MAST2: variants seen among roughly 807,000 people sequenced by gnomAD.
The protein encoded by MAST2 is microtubule associated serine/threonine kinase 2.
A neutral mutation model predicts 147.4 loss-of-function variants in MAST2; 70 were observed. That is an observed-to-expected ratio of 0.47 (90% confidence interval 0.39 to 0.58). MAST2 has a LOEUF of 0.58. Among genes scored for constraint, MAST2 ranks in the 20% least tolerant of loss-of-function variants. MAST2 has a pLI of 0.00. For missense variants in MAST2, 2,080 were observed against 2,302.3 expected, an observed-to-expected ratio of 0.90 and a Z score of 1.98; for synonymous variants, 869 against 896.8, an observed-to-expected ratio of 0.97 and a Z score of 0.55.
At chr1:45,975,977 CTTT>C (rs11311601) in intron 5 of MAST2, among the ~76,000 whole-genome samples, 3 of 143,850 alleles carry the variant, frequency 2.1e-5, no homozygotes, top group African/African-American at 2.6e-5. Flanking sequence ...AAACTGAATA[CTTT>C]TTTTTTTTTT....
rs745947608 is a variant in MAST2, at chr1:46,028,820, A to G, written c.2105A>G (p.Tyr702Cys). 3 of 1,614,130 alleles carry G rather than the reference A, an allele frequency of 1.9e-6. No individual in the cohort carries two copies. Among genetic ancestry groups the G allele is most frequent in the South Asian group, 2.2e-5 (2 of 91,064 alleles). ...IAPEVILRQG[Y>C]GKPVDWWAMG... ...CCTGAGGTGATCCTGCGCCAGGGCT[A>G]TGGGAAGCCAGTGGACTGGTGGGCC... is the stretch of plus-strand genomic sequence containing the variant. Residue 702 changes from tyrosine (Y) to cysteine (C), a missense_variant, in exon 18 of 29, where the codon TAT becomes TGT. Physicochemically the swap from Tyr to Cys is radical, Grantham distance 194. Around this residue, in one of 4 missense-constraint regions of MAST2, gnomAD observed 209 missense variants for 309.5 expected, o/e 0.68. Transcript: ENST00000361297.
At chr1:46,030,882 G>T in intron 22 of MAST2, 121 bp downstream of exon 22, 1 of 1,470,076 alleles carries the variant, frequency 6.8e-7, no homozygotes, top group Non-Finnish European at 9.1e-7. Flanking sequence ...ATTCACAAGG[G>T]TGGCTCCTGG....
chr1:46,008,328 A>G lies in MAST2; in HGVS notation c.935A>G (p.Glu312Gly). 6.2e-7 allele frequency: 1 copy of G among 1,612,772 alleles called. No individual in the cohort carries two copies. Among genetic ancestry groups the G allele is most frequent in the South Asian group, 1.1e-5 (1 of 91,038 alleles). The part of the protein sequence containing the change: ...PGRSPVSFDS[E>G]IIMMNHVYKE... ...CGATCCCCAGTATCCTTTGACAGTG[A>G]AATAATAATGATGAATCATGTTTAC... The change falls in exon 9 of 29, where the codon GAA (glutamate) becomes GGA (glycine). Residue 312 changes from glutamate to glycine, a missense_variant. By Grantham distance (98) the Glu-to-Gly change is moderately conservative. Around this residue, in one of 4 missense-constraint regions of MAST2, gnomAD observed 569 missense variants for 642.5 expected, o/e 0.89. Coordinates refer to ENST00000361297, the MANE Select transcript of MAST2 (RefSeq NM_015112.3).
At chr1:45,874,791 T>G (rs184352846) in intron 3 of MAST2, among the ~76,000 whole-genome samples, 286 of 152,294 alleles carry the variant, frequency 1.9e-3, no homozygotes, top group Middle Eastern at 3.4e-3. Context: ...AGCAAATAAT[T>G]ATAGTAACCA....
rs1341644259 is a variant in MAST2 at position 46,034,816 on chromosome 1, C to T, written c.4147C>T (p.Pro1383Ser). 1 of 1,614,222 alleles carries T rather than the reference C, an allele frequency of 6.2e-7. No homozygotes were observed. Among genetic ancestry groups the T allele is most frequent in the Non-Finnish European group, 8.5e-7 (1 of 1,180,040 alleles). Residue 1383 changes from proline (P) to serine (S), a missense_variant, in exon 29 of 29, where the codon CCC becomes TCC. Physicochemically the swap from Pro to Ser is moderately conservative, Grantham distance 74 (BLOSUM62 -1). Transcript: ENST00000361297. ...AFPTKLHLSP[P>S]LGRQLSRPKS... Reference sequence around the variant, plus strand: ...TCCCACAAAGCTTCACTTGTCACCTCCCCTGGGCAGGCAACTCTCACGGCC... The same window carrying T: ...TCCCACAAAGCTTCACTTGTCACCTTCCCTGGGCAGGCAACTCTCACGGCC...
chr1:45,950,356 C>G (rs1229894312), intron 4 of MAST2, among the ~76,000 whole-genome samples: 5 of 152,088 alleles, frequency 3.3e-5, no homozygotes, highest in Non-Finnish European at 5.9e-5. Flanking sequence ...ATGGACACCC[C>G]CTACATACAA....
At chr1:45,813,064 T>A (rs1644350883) in intron 1 of MAST2, among the ~76,000 whole-genome samples, 1 of 152,158 alleles carries the variant, frequency 6.6e-6, no homozygotes, top group African/African-American at 2.4e-5. Context: ...GGCATAGTAT[T>A]TGCATGTAAC....
chr1:46,006,515 G>C, intron 8 of MAST2, 120 bp downstream of exon 8: 1 of 882,176 alleles, frequency 1.1e-6, no homozygotes, highest in African/African-American at 1.7e-5. Flanking sequence ...AGGCTTTATA[G>C]GCCATATATC....
rs1160284541 is a variant in MAST2 at position 46,023,625 on chromosome 1, G to A, written c.1572-147G>A. ...AGTTTAAGAGTTCTATGGACCAGGG[G>A]GTCCCAGACCCTTCTCACTGATATG... On this transcript the variant is annotated intron_variant, in intron 14 of 28. Coordinates refer to ENST00000361297, the MANE Select transcript of MAST2 (RefSeq NM_015112.3). The surrounding 1 kb of genome is among the most constrained non-coding windows in gnomAD (Gnocchi z 4.9). The A allele has an allele frequency of 1.4e-6, 1 of 708,998 alleles. No homozygotes were observed. Among genetic ancestry groups the A allele is most frequent in the East Asian group, 2.7e-5 (1 of 36,964 alleles). 43.9% of individuals were successfully genotyped at this position (708,998 alleles called of 1,614,324 possible).
At position 46,032,213 on chromosome 1, in the gene MAST2, TCCCCACATTCTCAGTC is replaced by T; in HGVS notation, c.3224_3239del (p.Ser1075CysfsTer22). On this transcript the variant is annotated frameshift_variant, in exon 25 of 29. Coordinates refer to ENST00000361297, the MANE Select transcript of MAST2 (RefSeq NM_015112.3). LOFTEE classifies it high-confidence loss of function. Reference sequence around the variant, plus strand: ...CTGCTCCCCGTTGGCCAGCCCCATGTCCCCACATTCTCAGTCGTCCAACCCATCATCCCGGGACTCT... The same window carrying T: ...CTGCTCCCCGTTGGCCAGCCCCATGTGTCCAACCCATCATCCCGGGACTCT... The T allele has an allele frequency of 6.2e-7, 1 of 1,614,128 alleles. No homozygotes were observed. The highest frequency in any genetic ancestry group is 8.5e-7 in the Non-Finnish European group (1 of 1,180,012).
At chr1:46,009,130 C>T (rs1157088613) in intron 9 of MAST2, among the ~76,000 whole-genome samples, 1 of 152,204 alleles carries the variant, frequency 6.6e-6, no homozygotes, top group Admixed American at 6.5e-5. Flanking sequence ...TCTCGGCTCA[C>T]TGCACCCTCT....
chr1:45,911,853 A>AT (rs1651715072), intron 4 of MAST2, among the ~76,000 whole-genome samples: 50 of 135,792 alleles, frequency 3.7e-4, no homozygotes, highest in African/African-American at 1.3e-3. Context: ...TATTATTGTT[A>AT]TATTATTATT....
chr1:46,029,629 T>G (rs998944792), intron 19 of MAST2, 62 bp downstream of exon 19: 14 of 1,520,004 alleles, frequency 9.2e-6, no homozygotes, highest in Middle Eastern at 1.7e-4. Context: ...GGCTGAGTCA[T>G]GTACCCTGGA....
At chr1:45,805,607 T>G (rs1250663838) in intron 1 of MAST2, among the ~76,000 whole-genome samples, 1 of 152,232 alleles carries the variant, frequency 6.6e-6, no homozygotes, top group Non-Finnish European at 1.5e-5. Flanking sequence ...CCAGTTGACC[T>G]TACTGCGTAT....
At chr1:45,876,822 G>A (rs1042408720) in intron 3 of MAST2, among the ~76,000 whole-genome samples, 4 of 152,154 alleles carry the variant, frequency 2.6e-5, no homozygotes, top group South Asian at 4.1e-4. Context: ...GGATTTCCAC[G>A]GATGCGCTTC....
chr1:45,855,485 T>C (rs1215239275), intron 3 of MAST2, among the ~76,000 whole-genome samples: 1 of 152,106 alleles, frequency 6.6e-6, no homozygotes, highest in East Asian at 1.9e-4. Flanking sequence ...TATTTTATCT[T>C]TTTGTATTTT....
chr1:45,912,719 CA>C (rs1222685074), intron 4 of MAST2, among the ~76,000 whole-genome samples: 7 of 152,244 alleles, frequency 4.6e-5, no homozygotes, highest in Non-Finnish European at 1.0e-4. Context: ...TTTAGCTCCA[CA>C]GTTTACTTGA....
intron 5 of MAST2, among the ~76,000 whole-genome samples, chr1:45,980,537 T>C (rs1375092471): frequency 6.6e-6 from 1 of 152,218 alleles, no homozygotes; most frequent in Non-Finnish European, 1.5e-5. Context: ...TTTTGTTGTT[T>C]TTGCTTTTGT....
At chr1:45,999,353 C>T (rs747607606) in intron 6 of MAST2, among the ~76,000 whole-genome samples, 6 of 152,128 alleles carry the variant, frequency 3.9e-5, no homozygotes, top group Non-Finnish European at 8.8e-5. Context: ...TGGTTTGATG[C>T]ATTTGTTTGT....
Sources: allele counts gnomAD v4.1 joint callset (sites outside exome capture counted in the v4.1 genomes callset), GRCh38; gene constraint gnomAD v4.1.1; regional missense constraint gnomAD v4.1.1; non-coding constraint Gnocchi (gnomAD v3.1); transcripts MANE v1.5; gene names NCBI Gene and HGNC (gene_info 2026-07-23, HGNC 2026-07-21).